KLF12: variants seen among roughly 807,000 people sequenced by gnomAD.
The protein encoded by KLF12 is Krueppel-like factor 12.
KLF12 carries 9 observed loss-of-function variants against 37.8 expected under a neutral mutation model. That is an observed-to-expected ratio of 0.24 (90% CI 0.14 to 0.42). The LOEUF is 0.42. Among genes scored for constraint, KLF12 ranks in the 10% least tolerant of loss-of-function variants. The probability of loss-of-function intolerance (pLI) is 1.00; values close to 1 mark genes in which losing one functional copy is unlikely to be tolerated. For missense variants in KLF12, 411 were observed against 516.0 expected (o/e 0.80, Z 1.97); for synonymous variants, 208 against 202.1 (o/e 1.03, Z -0.25).
chr13:74,228,667 A>T, the KLF12 span, among the ~76,000 whole-genome samples: 1 of 152,110 alleles, frequency 6.6e-6, no homozygotes, highest in South Asian at 2.1e-4. Context: ...CAAAACTTGG[A>T]TGTATATTAT....
At chr13:74,125,156 T>A (rs9565079) in intron 1 of KLF12, among the ~76,000 whole-genome samples, 78,099 of 143,294 alleles carry the variant, frequency 0.55, 23,194 homozygotes, top group East Asian at 0.87. Context: ...AAAAAAAAAA[T>A]ATATATATAT....
intron 5 of KLF12, among the ~76,000 whole-genome samples, chr13:73,786,427 T>A (rs924857654): frequency 1.3e-5 from 2 of 152,174 alleles, no homozygotes; most frequent in Non-Finnish European, 2.9e-5. Flanking sequence ...AAAACTCTCA[T>A]GTTCTACCCC....
At chr13:73,860,921 A>G (rs903987666) in intron 3 of KLF12, among the ~76,000 whole-genome samples, 2 of 152,226 alleles carry the variant, frequency 1.3e-5, no homozygotes, top group African/African-American at 4.8e-5. Context: ...TCCATGTATT[A>G]CAAGATGATT....
chr13:74,293,388 C>A, the KLF12 span, among the ~76,000 whole-genome samples: 3,741 of 152,100 alleles, frequency 0.025, 151 homozygotes, highest in African/African-American at 0.083. Context: ...TGGGTACAAT[C>A]GAGGGACTGA....
chr13:74,144,679 C>T, the KLF12 span, among the ~76,000 whole-genome samples: 1 of 152,108 alleles, frequency 6.6e-6, no homozygotes, highest in African/African-American at 2.4e-5. Context: ...ATGCCTGGTA[C>T]TTTTATGTCT....
chr13:74,226,760 G>A, the KLF12 span, among the ~76,000 whole-genome samples: 50 of 152,124 alleles, frequency 3.3e-4, no homozygotes, highest in African/African-American at 1.0e-3. Context: ...AATTATTAAC[G>A]CTATGTTTCT....
intron 7 of KLF12, among the ~76,000 whole-genome samples, chr13:73,700,282 A>AAATT (rs1375181715): frequency 2.0e-5 from 3 of 149,056 alleles, no homozygotes; most frequent in African/African-American, 7.4e-5. Flanking sequence ...ATAAATAAAT[A>AAATT]AATTAATTAA....
intron 1 of KLF12, among the ~76,000 whole-genome samples, chr13:74,046,609 T>C (rs1221166697): frequency 6.6e-6 from 1 of 152,070 alleles, no homozygotes; most frequent in Non-Finnish European, 1.5e-5. Flanking sequence ...GAGAGGATAC[T>C]AGAAAAAAGA....
chr13:74,161,524 T>C, the KLF12 span, among the ~76,000 whole-genome samples: 117 of 152,228 alleles, frequency 7.7e-4, no homozygotes, highest in African/African-American at 2.7e-3. Flanking sequence ...CACCGGAAAC[T>C]GGAGGAAGAC....
chr13:74,228,897 A>C, the KLF12 span, among the ~76,000 whole-genome samples: 2 of 152,118 alleles, frequency 1.3e-5, no homozygotes, highest in Non-Finnish European at 2.9e-5. Context: ...CACACCAGAA[A>C]AATGAAGGAA....
At chr13:74,134,266 C>CGG (rs1878442347), upstream of KLF12, among the ~76,000 whole-genome samples, 1 of 151,874 alleles carries the variant, frequency 6.6e-6, no homozygotes, top group Admixed American at 6.5e-5. Context: ...CCGCCGCTGC[C>CGG]GGCGAGCCCC....
At chr13:74,158,305 G>T in the KLF12 span, among the ~76,000 whole-genome samples, 4 of 152,038 alleles carry the variant, frequency 2.6e-5, no homozygotes, top group Non-Finnish European at 5.9e-5. Flanking sequence ...GGACTTAAAG[G>T]GGGGTGTAAG....
chr13:73,708,626 T>C (rs981345813), intron 7 of KLF12, among the ~76,000 whole-genome samples: 2 of 152,202 alleles, frequency 1.3e-5, no homozygotes, highest in East Asian at 3.9e-4. Flanking sequence ...TACTTGCTTT[T>C]ACTGCATTGT....
chr13:74,065,819 C>T lies in KLF12; in HGVS notation c.-32+67920G>A, dbSNP rs996822372. On this transcript the variant is annotated intron_variant, in intron 1 of 7. Transcript: ENST00000377669. Reference sequence around the variant, plus strand: ...GGCTGGCAACGTAGAGGGCTCTGAACGATCTCTCTAGACATGTGACATGAG... The same window carrying T: ...GGCTGGCAACGTAGAGGGCTCTGAATGATCTCTCTAGACATGTGACATGAG... Among the ~76,000 whole-genome samples, 8 of 151,892 alleles carry T rather than the reference C, an allele frequency of 5.3e-5. No individual in the cohort carries two copies. In the East Asian group the frequency reaches 9.7e-4, roughly 18 times the overall value.
At chr13:73,905,612 G>C (rs1888243975) in intron 3 of KLF12, among the ~76,000 whole-genome samples, 1 of 151,840 alleles carries the variant, frequency 6.6e-6, no homozygotes, top group Non-Finnish European at 1.5e-5. Context: ...CAGTAATCTG[G>C]ATTTGTACTG....
chr13:74,061,549 T>TA (rs370441978), intron 1 of KLF12, among the ~76,000 whole-genome samples: 132 of 151,992 alleles, frequency 8.7e-4, no homozygotes, highest in South Asian at 6.2e-4. Context: ...AGACCACAGA[T>TA]AAAAAAAACA....
chr13:74,113,844 C>G (rs546862546), intron 1 of KLF12, among the ~76,000 whole-genome samples: 1 of 152,286 alleles, frequency 6.6e-6, no homozygotes, highest in East Asian at 1.9e-4. Flanking sequence ...TGAAAACCTT[C>G]TGGAACTGAT....
chr13:74,057,665 A>G (rs541452165), intron 1 of KLF12, among the ~76,000 whole-genome samples: 6 of 152,362 alleles, frequency 3.9e-5, no homozygotes, highest in Non-Finnish European at 5.9e-5. Flanking sequence ...GAAATTGCCA[A>G]TGATGAAATT....
chr13:74,065,302 A>T (rs989508996), intron 1 of KLF12, among the ~76,000 whole-genome samples: 15 of 152,050 alleles, frequency 9.9e-5, no homozygotes, highest in Non-Finnish European at 2.1e-4. Flanking sequence ...GTATATACAC[A>T]CTGAAATTTA....
Sources: allele counts gnomAD v4.1 joint callset (sites outside exome capture counted in the v4.1 genomes callset), GRCh38; gene constraint gnomAD v4.1.1; transcripts MANE v1.5; gene names NCBI Gene and HGNC (gene_info 2026-07-23, HGNC 2026-07-21).